TYW1B: variants seen among roughly 807,000 people sequenced by gnomAD.
TYW1B encodes the protein tRNA-yW synthesizing protein 1 homolog B, also known as S-adenosyl-L-methionine-dependent tRNA 4-demethylwyosine synthase TYW1B.
A neutral mutation model predicts 86.9 loss-of-function variants in TYW1B; 73 were observed. That is an observed-to-expected ratio of 0.84 (90% CI 0.70 to 1.02). The LOEUF (loss-of-function observed/expected upper bound fraction) is 1.02, where lower values mean the gene tolerates loss of function less well. Ranked by LOEUF, TYW1B falls within the 50% of genes least tolerant of loss-of-function variation. The pLI, the probability that TYW1B is intolerant of heterozygous loss-of-function variation, is 0.00. For synonymous variants in TYW1B, 248 were observed against 292.8 expected (o/e 0.85, Z 1.56); for missense variants, 637 against 827.4 (o/e 0.77, Z 2.82).
At chr7:72,664,495 C>T (rs1460702110) in intron 11 of TYW1B, among the ~76,000 whole-genome samples, 1 of 152,024 alleles carries the variant, frequency 6.6e-6, no homozygotes, top group Non-Finnish European at 1.5e-5. Context: ...CAAACTAACA[C>T]AGGAATGGAA....
intron 7 of TYW1B, among the ~76,000 whole-genome samples, chr7:72,774,462 T>C (rs68103052): frequency 0.052 from 7,848 of 150,072 alleles, 451 homozygotes; most frequent in East Asian, 0.29. Flanking sequence ...GTGGCTCAAG[T>C]CTGTAATCCC....
chr7:72,756,079 G>T (rs781937721), intron 7 of TYW1B, among the ~76,000 whole-genome samples: 1 of 152,188 alleles, frequency 6.6e-6, no homozygotes, highest in Non-Finnish European at 1.5e-5. Flanking sequence ...GTGAAACATA[G>T]TCAGCAGAAG....
At chr7:72,744,118 A>G (rs1234457175) in intron 8 of TYW1B, among the ~76,000 whole-genome samples, 1 of 152,154 alleles carries the variant, frequency 6.6e-6, no homozygotes, top group African/African-American at 2.4e-5. Flanking sequence ...GTAGATAGAA[A>G]AAAAAGAAAA....
At position 72,575,628 on chromosome 7, in the gene TYW1B, G is replaced by A. The variant is rs782355208; in HGVS notation, c.1877C>T (p.Thr626Met). 5.0e-6 allele frequency: 8 copies of A among 1,613,734 alleles called. 1 individual carries two copies. Among genetic ancestry groups the A allele is most frequent in the South Asian group, 4.4e-5 (4 of 91,076 alleles). Residue 626 changes from threonine to methionine, a missense_variant, in exon 14 of 14, where the codon ACG (threonine) becomes ATG (methionine). By Grantham distance (81) the Thr-to-Met change is moderately conservative. Coordinates refer to ENST00000620995, the MANE Select transcript of TYW1B (RefSeq NM_001145440.3). ...GGCCATATAATCCTTTGCGCTGAAC[G>A]TTTTTGATCCACCACTATCTTCATA... Reference protein sequence around the residue: ...QEYEDSGGSKTFSAKDYMART... With the variant: ...QEYEDSGGSKMFSAKDYMART...
chr7:72,809,679 A>T (rs80316675), intron 4 of TYW1B, among the ~76,000 whole-genome samples: 5 of 150,776 alleles, frequency 3.3e-5, no homozygotes, highest in East Asian at 1.9e-4. Context: ...TTAAAAAAAA[A>T]TTTTTTTTAA....
At chr7:72,717,063 T>G (rs138253385) in intron 9 of TYW1B, among the ~76,000 whole-genome samples, 1,725 of 151,990 alleles carry the variant, frequency 0.011, 38 homozygotes, top group African/African-American at 0.039. Flanking sequence ...CACTTAGTGA[T>G]GCCGAGATGG....
chr7:72,594,637 T>C (rs577622292), intron 13 of TYW1B, among the ~76,000 whole-genome samples: 14 of 152,276 alleles, frequency 9.2e-5, no homozygotes, highest in African/African-American at 2.9e-4. Context: ...GAGGAGGGAA[T>C]ACTTTCAACT....
Position 72,728,922 on chromosome 7 carries a change from G to T in TYW1B, c.1092C>A (p.Asn364Lys). The part of the protein sequence containing the change: ...NKCVFCWWHH[N>K]NPVGTEWLWK... ...ACAACCATTCAGTGCCCACAGGGTT[G>T]TTGTGGTGCCTAGGAACAAGACGCA... Residue 364 changes from asparagine to lysine, a missense_variant, in exon 9 of 14, where the codon AAC becomes AAA. Transcript: ENST00000620995. 6.2e-7 allele frequency: 1 copy of T among 1,613,864 alleles called. No homozygotes were observed. Among genetic ancestry groups the T allele is most frequent in the Non-Finnish European group, 8.5e-7 (1 of 1,179,864 alleles).
chr7:72,702,001 G>A (rs1393565593), intron 10 of TYW1B, among the ~76,000 whole-genome samples: 1 of 152,152 alleles, frequency 6.6e-6, no homozygotes, highest in Admixed American at 6.6e-5. Context: ...AGCCCTGATC[G>A]TGTGAGTGGG....
chr7:72,638,764 TA>T (rs1812730146), intron 11 of TYW1B, among the ~76,000 whole-genome samples: 1 of 152,212 alleles, frequency 6.6e-6, no homozygotes, highest in Admixed American at 6.5e-5. Flanking sequence ...GAAAATCCAC[TA>T]ATCAATCTTA....
At chr7:72,823,884 A>G (rs1160161625) in intron 2 of TYW1B, among the ~76,000 whole-genome samples, 1 of 152,204 alleles carries the variant, frequency 6.6e-6, no homozygotes, top group Non-Finnish European at 1.5e-5. Context: ...GTTTCTGGAG[A>G]GTACATTTCA....
chr7:72,826,040 G>A (rs1347902271), intron 2 of TYW1B, among the ~76,000 whole-genome samples: 1 of 152,170 alleles, frequency 6.6e-6, no homozygotes, highest in Non-Finnish European at 1.5e-5. Context: ...CACTGCTAAA[G>A]GGATTTTCTT....
At chr7:72,826,036 T>C (rs1406121584) in intron 2 of TYW1B, among the ~76,000 whole-genome samples, 1 of 152,232 alleles carries the variant, frequency 6.6e-6, no homozygotes, top group Non-Finnish European at 1.5e-5. Flanking sequence ...AGTTCACTGC[T>C]AAAGGGATTT....
Position 72,774,477 on chromosome 7 carries a change from C to G in TYW1B, c.964+2939G>C, listed in dbSNP as rs529254707. 2.1e-3 allele frequency among the ~76,000 whole-genome samples: 318 copies of G among 151,248 alleles called. 1 individual carries two copies. The highest frequency in any genetic ancestry group is 5.9e-3 in the Admixed American group (89 of 15,188). On this transcript the variant is annotated intron_variant, in intron 7 of 13. Coordinates refer to ENST00000620995, the MANE Select transcript of TYW1B (RefSeq NM_001145440.3). ...GTGGCTCAAGTCTGTAATCCCAGCA[C>G]TTTGGGAGGCCAAGGTGGGCAGATC... is the stretch of plus-strand genomic sequence containing the variant.
chr7:72,683,155 TC>T (rs1554448698), intron 11 of TYW1B, among the ~76,000 whole-genome samples: 1 of 152,094 alleles, frequency 6.6e-6, no homozygotes, highest in East Asian at 1.9e-4. Context: ...GCGCCGGCCT[TC>T]CATGTAAGAA....
chr7:72,823,285 A>C (rs1788865606), intron 2 of TYW1B: 1 of 151,656 alleles, frequency 6.6e-6, no homozygotes, highest in Admixed American at 6.6e-5. Context: ...CTGAGATTAC[A>C]GGCGTGAGCC....
Position 72,777,469 on chromosome 7 carries a change from C to T in TYW1B, c.911G>A (p.Gly304Asp), listed in dbSNP as rs1554470770. Reference sequence around the variant, plus strand: ...AGGAGTTATCATAGCTCTTCTTTCACCATCTTCATTCCTCCCCATGTTCCT... The same window carrying T: ...AGGAGTTATCATAGCTCTTCTTTCATCATCTTCATTCCTCCCCATGTTCCT... The part of the protein sequence containing the change: ...LFRNMGRNED[G>D]ERRAMITPAL... Residue 304 changes from glycine (G) to aspartate (D), a missense_variant, in exon 7 of 14, where the codon GGT becomes GAT. Transcript: ENST00000620995. 6.2e-7 allele frequency: 1 copy of T among 1,614,116 alleles called. No individual in the cohort carries two copies. Among genetic ancestry groups the T allele is most frequent in the Non-Finnish European group, 8.5e-7 (1 of 1,180,008 alleles).
chr7:72,629,049 T>C (rs1812422483), intron 11 of TYW1B, 52 bp from the exon 12 acceptor site: 2 of 1,538,074 alleles, frequency 1.3e-6, no homozygotes, highest in Middle Eastern at 1.7e-4. Context: ...ATGTCACCTC[T>C]TAACCTAGAG....
At chr7:72,703,024 ATATT>A (rs1264767779) in intron 10 of TYW1B, among the ~76,000 whole-genome samples, 42 of 8,110 alleles carry the variant, frequency 5.2e-3, no homozygotes, top group Admixed American at 0.017. Context: ...ATATATATAT[ATATT>A]TTTTTTTTTT....
Sources: gnomAD v4.1 joint callset for allele counts (sites outside exome capture counted in the v4.1 genomes callset) on GRCh38, gnomAD v4.1.1 for gene constraint, MANE v1.5 for transcripts, NCBI Gene and HGNC (gene_info 2026-07-23, HGNC 2026-07-21) for gene names.